The following CLCN7 variants were observed in gnomAD, a reference collection of about 807,000 sequenced individuals.
The protein encoded by CLCN7 is H(+)/Cl(-) exchange transporter 7.
CLCN7 carries 60 observed loss-of-function variants against 102.1 expected under a neutral mutation model. That is an observed-to-expected ratio of 0.59 (90% CI 0.48 to 0.73). The LOEUF is 0.73. Ranked by LOEUF, CLCN7 falls within the 30% of genes least tolerant of loss-of-function variation. The probability of loss-of-function intolerance (pLI) is 0.00; values close to 1 mark genes in which losing one functional copy is unlikely to be tolerated. For missense variants in CLCN7, 962 were observed against 1,125.7 expected (o/e 0.85, Z 2.08); for synonymous variants, 560 against 490.5 (o/e 1.14, Z -1.87).
Position 1,447,568 on chromosome 16 carries a change from C to A in CLCN7, c.2074G>T (p.Val692Leu). The A allele has an allele frequency of 6.4e-7, 1 of 1,554,878 alleles. No individual in the cohort carries two copies. Among genetic ancestry groups the A allele is most frequent in the Non-Finnish European group, 8.7e-7 (1 of 1,149,508 alleles). The change falls in exon 23 of 25, where the codon GTG becomes TTG. Residue 692 changes from valine to leucine, a missense_variant and splice_region_variant. Val to Leu is a conservative substitution (Grantham distance 32, BLOSUM62 1). Coordinates refer to ENST00000382745, the MANE Select transcript of CLCN7 (RefSeq NM_001287.6). Reference protein sequence around the residue: ...SQLIVLLKHKVFVERSNLGLV... With the variant: ...SQLIVLLKHKLFVERSNLGLV... ...CCCAGGTTGGACCGCTCCACAAACA[C>A]CTGCGGGCGGCAGAGCCCTGTGTCA... is the stretch of plus-strand genomic sequence containing the variant.
chr16:1,447,669 G>A lies in CLCN7; in HGVS notation c.2059C>T (p.Leu687Phe), dbSNP rs977283828. The stretch of plus-strand genomic sequence containing the variant: ...CTGGCACGCACCTTGTGCTTTAGGA[G>A]AACGATGAGCTGGGAGCGCAGGATC... ...GLILRSQLIV[L>F]LKHKVFVERS... Residue 687 changes from leucine to phenylalanine, a missense_variant, in exon 22 of 25, where the codon CTC becomes TTC. Physicochemically the swap from Leu to Phe is conservative, Grantham distance 22. This residue lies in a region of CLCN7 where 799 missense variants were observed against 988.0 expected (regional missense o/e 0.81). Transcript: ENST00000382745. 6.4e-7 allele frequency: 1 copy of A among 1,558,378 alleles called. No homozygotes were observed. Among genetic ancestry groups the A allele is most frequent in the Non-Finnish European group, 8.7e-7 (1 of 1,151,538 alleles).
chr16:1,455,516 G>A, intron 11 of CLCN7: 1 of 669,182 alleles, frequency 1.5e-6, no homozygotes, highest in Non-Finnish European at 2.7e-6. Flanking sequence ...CCCCTACCCG[G>A]GAGCCACCCA....
At chr16:1,452,717 C>T (rs768511215) in intron 15 of CLCN7, 38 bp downstream of exon 15, 4 of 1,560,664 alleles carry the variant, frequency 2.6e-6, no homozygotes, top group Non-Finnish European at 8.7e-7. Flanking sequence ...CCTGTGGCTG[C>T]CCTGCCTGCT....
rs766777938 is a variant in CLCN7 at position 1,451,675 on chromosome 16, G to A, written c.1395C>T (p.Ala465=). The A allele has an allele frequency of 8.7e-6, 14 of 1,612,748 alleles. No homozygotes were observed. Among genetic ancestry groups the A allele is most frequent in the Non-Finnish European group, 1.2e-5 (14 of 1,179,950 alleles). Residue 465 remains alanine, a synonymous_variant, in exon 16 of 25, where the codon GCC becomes GCT. Coordinates refer to ENST00000382745, the MANE Select transcript of CLCN7 (RefSeq NM_001287.6). ...ADGEYNSMAA[A]FFNTPEKSVV... ...CGCTCTTCTCCGGGGTGTTGAAGAAGGCCGCAGCCATGGAGTTGTACTCGC... is the reference window on the plus strand; with the variant it reads ...CGCTCTTCTCCGGGGTGTTGAAGAAAGCCGCAGCCATGGAGTTGTACTCGC...
intron 12 of CLCN7, 147 bp downstream of exon 12, chr16:1,454,987 G>A (rs1055450705): frequency 4.2e-5 from 28 of 668,480 alleles, no homozygotes; most frequent in Admixed American, 2.1e-4. Context: ...GCAGCCCCTC[G>A]GGGCCCTGGA....
intron 1 of CLCN7, chr16:1,471,808 C>T (rs2142405679): frequency 6.6e-6 from 1 of 152,424 alleles, no homozygotes; most frequent in South Asian, 2.1e-4. Context: ...TAGACTCCGC[C>T]TCTCCAGTCT....
chr16:1,461,891 C>T (rs561970124), intron 2 of CLCN7, among the ~76,000 whole-genome samples: 25 of 152,104 alleles, frequency 1.6e-4, no homozygotes, highest in African/African-American at 5.8e-4. Context: ...TCGAGACCAG[C>T]CTGGACAACA....
Position 1,447,694 on chromosome 16 carries a change from C to T in CLCN7, c.2034G>A (p.Leu678=). The change falls in exon 22 of 25, where the codon CTG becomes CTA. Residue 678 remains leucine (L), a synonymous_variant. Transcript: ENST00000382745. ...DDTQPARLQG[L]ILRSQLIVLL... The stretch of plus-strand genomic sequence containing the variant: ...GAACGATGAGCTGGGAGCGCAGGAT[C>T]AGGCCCTGGAGCCGGGCAGGCTGCA... 6.4e-7 allele frequency: 1 copy of T among 1,556,252 alleles called. No homozygotes were observed. The highest frequency in any genetic ancestry group is 8.7e-7 in the Non-Finnish European group (1 of 1,150,492).
chr16:1,461,798 C>G (rs1432716151), intron 2 of CLCN7, 124 bp from the exon 3 acceptor site: 1 of 857,530 alleles, frequency 1.2e-6, no homozygotes. Flanking sequence ...AGCAAGAGAA[C>G]TGCACATGGG....
At chr16:1,458,384 C>T (rs2038873489) in intron 7 of CLCN7, among the ~76,000 whole-genome samples, 1 of 152,278 alleles carries the variant, frequency 6.6e-6, no homozygotes, top group African/African-American at 2.4e-5. Context: ...AGTTATAGAG[C>T]AACATCCAAG....
Position 1,459,114 on chromosome 16 carries a change from C to T in CLCN7, c.668G>A (p.Arg223Gln), listed in dbSNP as rs2142385327. 3.7e-6 allele frequency: 6 copies of T among 1,610,716 alleles called. No individual in the cohort carries two copies. The highest frequency in any genetic ancestry group is 5.1e-6 in the Non-Finnish European group (6 of 1,177,960). ...LNGVKIPHVVRLKTLVIKVSG... is the reference protein window; with the variant it reads ...LNGVKIPHVVQLKTLVIKVSG... The stretch of plus-strand genomic sequence containing the variant: ...GGGCCACCGCACCCTCACCTTGAGC[C>T]GCACCACGTGGGGGATCTTCACCCC... The change falls in exon 7 of 25, where the codon CGG becomes CAG. Residue 223 changes from arginine (R) to glutamine (Q), a missense_variant. Physicochemically the swap from Arg to Gln is conservative, Grantham distance 43 (BLOSUM62 1). Around this residue, in one of 2 missense-constraint regions of CLCN7, gnomAD observed 799 missense variants for 988.0 expected, o/e 0.81. Coordinates refer to ENST00000382745, the MANE Select transcript of CLCN7 (RefSeq NM_001287.6).
chr16:1,468,090 A>T (rs932450989), intron 1 of CLCN7, among the ~76,000 whole-genome samples: 7 of 146,976 alleles, frequency 4.8e-5, no homozygotes, highest in South Asian at 2.1e-4. Flanking sequence ...CTCTAAAATT[A>T]AAAAAAAAAA....
rs1464405725 is a variant in CLCN7, at chr16:1,452,078, G to A, written c.1354-362C>T. On this transcript the variant is annotated intron_variant, in intron 15 of 24. Coordinates refer to ENST00000382745, the MANE Select transcript of CLCN7 (RefSeq NM_001287.6). ...TCCTAGAAGAGGCTGTTGGCGCCCC[G>A]GTGCCACAGGCCCAGAGCCTCCTGG... The A allele has an allele frequency of 2.1e-5, 7 of 340,272 alleles. 1 individual carries two copies. The highest frequency in any genetic ancestry group is 7.3e-5 in the South Asian group (3 of 41,218). The allele number at this position is 340,272 out of a possible 1,614,324, so 21.1% of individuals were successfully genotyped here.
At chr16:1,462,250 C>T (rs933633034) in intron 2 of CLCN7, among the ~76,000 whole-genome samples, 9 of 149,004 alleles carry the variant, frequency 6.0e-5, no homozygotes, top group Non-Finnish European at 1.5e-5. Flanking sequence ...TCCATGAGGC[C>T]GGGTGCGGTG....
Position 1,457,844 on chromosome 16 carries a change from T to C in CLCN7, c.676-88A>G. On this transcript the variant is annotated intron_variant, in intron 7 of 24. Transcript: ENST00000382745. This position sits in a 1 kb window ranked among gnomAD's most constrained non-coding sequence, Gnocchi z 5.4. Reference sequence around the variant, plus strand: ...CGTAAAACAGCACACACAGCCCCGATCAGGCAGAGTGGCTGGGACACGGGG... The same window carrying C: ...CGTAAAACAGCACACACAGCCCCGACCAGGCAGAGTGGCTGGGACACGGGG... 1 of 1,329,576 alleles carries C rather than the reference T, an allele frequency of 7.5e-7. No homozygotes were observed. The highest frequency in any genetic ancestry group is 1.1e-6 in the Non-Finnish European group (1 of 929,440). 82.4% of individuals were successfully genotyped at this position (1,329,576 alleles called of 1,614,324 possible). A position where few individuals can be genotyped will look rare whatever the true frequency, so the allele number is the denominator to read the frequency against.
intron 6 of CLCN7, 147 bp downstream of exon 6, chr16:1,460,271 T>C: frequency 1.5e-6 from 1 of 681,512 alleles, no homozygotes; most frequent in East Asian, 2.8e-5. Context: ...CCTGAGGTTG[T>C]GAGTCTGGAC....
At chr16:1,450,424 T>C (rs1365102927) in intron 17 of CLCN7, 73 bp downstream of exon 17, 4 of 1,419,726 alleles carry the variant, frequency 2.8e-6, no homozygotes, top group African/African-American at 2.9e-5. Context: ...CTGGGACTTC[T>C]GCTCCGGCCC....
intron 1 of CLCN7, 68 bp from the exon 2 acceptor site, chr16:1,465,406 C>T (rs1428922552): frequency 1.4e-6 from 2 of 1,408,054 alleles, no homozygotes; most frequent in African/African-American, 1.4e-5. Context: ...ATTCTCACTC[C>T]CGCCGCCGCA....
chr16:1,453,947 C>G (rs1175337660), intron 13 of CLCN7, 53 bp from the exon 14 acceptor site: 18 of 1,557,072 alleles, frequency 1.2e-5, no homozygotes, highest in Non-Finnish European at 1.6e-5. Context: ...GTGCGGGCCT[C>G]CGCCCGCCGG....
Sources: allele counts gnomAD v4.1 joint callset (sites outside exome capture counted in the v4.1 genomes callset), GRCh38; gene constraint gnomAD v4.1.1; regional missense constraint gnomAD v4.1.1; non-coding constraint Gnocchi (gnomAD v3.1); transcripts MANE v1.5; gene names NCBI Gene and HGNC (gene_info 2026-07-23, HGNC 2026-07-21).